The following SIPA1L1 variants were observed in gnomAD, a reference collection of about 807,000 sequenced individuals.
SIPA1L1 encodes signal-induced proliferation-associated 1-like protein 1.
A neutral mutation model predicts 162.7 loss-of-function variants in SIPA1L1; 26 were observed. That is an observed-to-expected ratio of 0.16 (90% CI 0.12 to 0.22). SIPA1L1 has a LOEUF of 0.22. SIPA1L1 is among the 10% of genes least tolerant of loss of function. The pLI is 1.00. For missense variants in SIPA1L1, 1,874 were observed against 2,241.0 expected (o/e 0.84, Z 3.31); for synonymous variants, 829 against 837.4 (o/e 0.99, Z 0.17).
chr14:71,739,223 C>G lies in SIPA1L1; in HGVS notation c.*62C>G. On this transcript the variant is annotated 3_prime_UTR_variant, in exon 24 of 24. Coordinates refer to ENST00000381232, the MANE Select transcript of SIPA1L1 (RefSeq NM_001386936.1). ...TCCCTCCAGTGAGTGTCCTGCAGCCCTTATTCCCTCCATAGAAAGCATCCT... is the reference window on the plus strand; with the variant it reads ...TCCCTCCAGTGAGTGTCCTGCAGCCGTTATTCCCTCCATAGAAAGCATCCT... The G allele has an allele frequency of 6.8e-7, 1 of 1,475,408 alleles. No homozygotes were observed. The allele number at this position is 1,475,408 out of a possible 1,614,324, so 91.4% of individuals were successfully genotyped here.
chr14:71,538,623 C>G (rs1166610156), intron 4 of SIPA1L1, among the ~76,000 whole-genome samples: 1 of 152,150 alleles, frequency 6.6e-6, no homozygotes, highest in Non-Finnish European at 1.5e-5. Flanking sequence ...GCGGCAGGGT[C>G]ATGGTGCTTT....
intron 2 of SIPA1L1, among the ~76,000 whole-genome samples, chr14:71,417,298 C>T (rs1023066219): frequency 1.3e-5 from 2 of 150,578 alleles, no homozygotes; most frequent in African/African-American, 2.4e-5. Flanking sequence ...GGTGAAACCC[C>T]GTCTCTACTA....
At chr14:71,607,457 T>C (rs984405632) in intron 5 of SIPA1L1, among the ~76,000 whole-genome samples, 2 of 152,112 alleles carry the variant, frequency 1.3e-5, no homozygotes, top group African/African-American at 2.4e-5. Flanking sequence ...GTGGGAGAAC[T>C]GCTTGAGCCC....
intron 4 of SIPA1L1, among the ~76,000 whole-genome samples, chr14:71,568,576 G>A (rs2031273869): frequency 6.6e-6 from 1 of 152,184 alleles, no homozygotes; most frequent in Admixed American, 6.5e-5. Flanking sequence ...CAGACCCCAA[G>A]AGAGGGTCCT....
intron 22 of SIPA1L1, 38 bp from the exon 23 acceptor site, chr14:71,738,203 G>T: frequency 9.0e-7 from 1 of 1,110,892 alleles, no homozygotes; most frequent in Non-Finnish European, 1.3e-6. Flanking sequence ...CAGCCATGGA[G>T]GCCCCTGCCA....
chr14:71,689,927 A>G (rs899026779), intron 13 of SIPA1L1, among the ~76,000 whole-genome samples: 3 of 152,244 alleles, frequency 2.0e-5, no homozygotes, highest in Admixed American at 6.5e-5. Flanking sequence ...CTCAGAGAGC[A>G]TAATAGTCAC....
At chr14:71,648,692 G>A (rs983773644) in intron 7 of SIPA1L1, among the ~76,000 whole-genome samples, 22 of 152,326 alleles carry the variant, frequency 1.4e-4, no homozygotes, top group South Asian at 4.1e-4. Context: ...TAAATTAAAA[G>A]TACTAATGTC....
intron 2 of SIPA1L1, among the ~76,000 whole-genome samples, chr14:71,338,732 A>G (rs966230177): frequency 4.0e-5 from 6 of 151,670 alleles, no homozygotes; most frequent in South Asian, 2.1e-4. Flanking sequence ...TATTTATTTT[A>G]TTTTTATTTA....
intron 7 of SIPA1L1, among the ~76,000 whole-genome samples, chr14:71,629,267 A>G (rs2040337253): frequency 6.6e-6 from 1 of 152,220 alleles, no homozygotes; most frequent in Non-Finnish European, 1.5e-5. Flanking sequence ...GACAGTGACT[A>G]GGCCAGGCAC....
At chr14:71,435,342 C>T (rs33994051) in intron 2 of SIPA1L1, among the ~76,000 whole-genome samples, 24,770 of 151,964 alleles carry the variant, frequency 0.16, 2,630 homozygotes, top group Middle Eastern at 0.35. Flanking sequence ...CACCCCACGA[C>T]AGGCCCCGGT....
chr14:71,353,597 G>T (rs1329362167), intron 2 of SIPA1L1, among the ~76,000 whole-genome samples: 1 of 152,248 alleles, frequency 6.6e-6, no homozygotes, highest in East Asian at 1.9e-4. Context: ...TAGCCTTTTG[G>T]GAGTGGGGCT....
At chr14:71,360,983 G>C (rs1438407483) in intron 2 of SIPA1L1, among the ~76,000 whole-genome samples, 1 of 152,088 alleles carries the variant, frequency 6.6e-6, no homozygotes, top group East Asian at 1.9e-4. Context: ...AGCAGTTTTT[G>C]AAAAGAGAGA....
intron 5 of SIPA1L1, among the ~76,000 whole-genome samples, chr14:71,590,405 C>T (rs1289107998): frequency 6.6e-6 from 1 of 152,012 alleles, no homozygotes; most frequent in Non-Finnish European, 1.5e-5. Flanking sequence ...TTGATTTCCA[C>T]TGTTTTGGGG....
intron 2 of SIPA1L1, among the ~76,000 whole-genome samples, chr14:71,465,213 G>A (rs1409944797): frequency 6.6e-6 from 1 of 152,226 alleles, no homozygotes; most frequent in Non-Finnish European, 1.5e-5. Context: ...CACCTGATGA[G>A]GATGTGTATG....
At chr14:71,462,280 C>G (rs2046661374) in intron 2 of SIPA1L1, among the ~76,000 whole-genome samples, 1 of 152,176 alleles carries the variant, frequency 6.6e-6, no homozygotes, top group African/African-American at 2.4e-5. Context: ...TGTGATTCAC[C>G]TATGGGGGCC....
At chr14:71,654,900 T>C (rs1209198961) in intron 8 of SIPA1L1, among the ~76,000 whole-genome samples, 1 of 152,158 alleles carries the variant, frequency 6.6e-6, no homozygotes, top group Non-Finnish European at 1.5e-5. Context: ...GGTTTCATGG[T>C]CACTAAAAAT....
chr14:71,435,116 C>A (rs1405709132), intron 2 of SIPA1L1, among the ~76,000 whole-genome samples: 1 of 152,028 alleles, frequency 6.6e-6, no homozygotes, highest in Non-Finnish European at 1.5e-5. Context: ...TGCTAAACTG[C>A]CCTGCTTAAA....
chr14:71,544,015 A>ACACACACG (rs2054809387), intron 4 of SIPA1L1, among the ~76,000 whole-genome samples: 6 of 149,004 alleles, frequency 4.0e-5, no homozygotes, highest in African/African-American at 5.1e-5. Flanking sequence ...ATGTATATAT[A>ACACACACG]CACATACGCA....
At chr14:71,391,374 G>A (rs993896378) in intron 2 of SIPA1L1, among the ~76,000 whole-genome samples, 1 of 152,100 alleles carries the variant, frequency 6.6e-6, no homozygotes, top group Non-Finnish European at 1.5e-5. Context: ...CAAAGTGCTG[G>A]GATTACAGGC....
Sources: gnomAD v4.1 joint callset for allele counts (sites outside exome capture counted in the v4.1 genomes callset) on GRCh38, gnomAD v4.1.1 for gene constraint, MANE v1.5 for transcripts, NCBI Gene and HGNC (gene_info 2026-07-23, HGNC 2026-07-21) for gene names.